The following KDM4C variants were observed in gnomAD, a reference collection of about 807,000 sequenced individuals.
KDM4C encodes the protein lysine-specific demethylase 4C.
Under a neutral mutation model 129.3 loss-of-function variants are expected in KDM4C, and 81 were observed. That is an observed-to-expected ratio of 0.63 (90% CI 0.52 to 0.75). KDM4C has a LOEUF of 0.75. Ranked by LOEUF, KDM4C falls within the 30% of genes least tolerant of loss-of-function variation. KDM4C has a pLI of 0.00. For synonymous variants in KDM4C, 573 were observed against 456.1 expected (o/e 1.26, Z -3.26); for missense variants, 1,457 against 1,304.0 (o/e 1.12, Z -1.81).
At chr9:7,019,207 CACTT>C (rs1824213904) in intron 15 of KDM4C, among the ~76,000 whole-genome samples, 1 of 152,200 alleles carries the variant, frequency 6.6e-6, no homozygotes, top group Admixed American at 6.5e-5. Context: ...TTTTACTAAA[CACTT>C]AAGTATGATT....
At chr9:7,009,489 CT>C (rs1415718107) in intron 12 of KDM4C, among the ~76,000 whole-genome samples, 7 of 151,740 alleles carry the variant, frequency 4.6e-5, no homozygotes, top group South Asian at 4.2e-4. Flanking sequence ...AAAATTGATG[CT>C]TTTTTCCCCC....
At chr9:6,950,483 T>G (rs983085287) in intron 8 of KDM4C, among the ~76,000 whole-genome samples, 2 of 152,168 alleles carry the variant, frequency 1.3e-5, no homozygotes, top group Non-Finnish European at 2.9e-5. Context: ...AGGGGAAGTA[T>G]TTATGTGAAA....
At position 6,758,547 on chromosome 9, in the gene KDM4C, GC is replaced by G. The variant is rs796402594; in HGVS notation, c.-18+346del. On this transcript the variant is annotated intron_variant, in intron 1 of 21. Transcript: ENST00000381309. The surrounding 1 kb of genome is among the most constrained non-coding windows in gnomAD (Gnocchi z 4.6). ...CCTGGGATGCGGACCTCTTAACGCC[GC>G]CAGTCGGCTGTGGCGGACTCCAGGA... 1.6e-4 allele frequency among the ~76,000 whole-genome samples: 1 copy of G among 6,264 alleles called. No homozygotes were observed. Among genetic ancestry groups the G allele is most frequent in the African/African-American group, 2.4e-3 (1 of 422 alleles). The allele number at this position is 6,264 out of a possible 152,430, so 4.1% of individuals were successfully genotyped here. A position where few individuals can be genotyped will look rare whatever the true frequency, so the allele number is the denominator to read the frequency against.
Position 6,820,431 on chromosome 9 carries a change from A to AG in KDM4C, c.435+5690dup, listed in dbSNP as rs992017499. ...GAATAGCAGCTGTGGGATATGGGAG[A>AG]GGGGCCTGAGACAGGGCTGTGGTCC... is the stretch of plus-strand genomic sequence containing the variant. On this transcript the variant is annotated intron_variant, in intron 4 of 21. Coordinates refer to ENST00000381309, the MANE Select transcript of KDM4C (RefSeq NM_015061.6). Among the ~76,000 whole-genome samples, 44 of 152,270 alleles carry AG rather than the reference A, an allele frequency of 2.9e-4. 1 individual carries two copies. Among genetic ancestry groups the AG allele is most frequent in the African/African-American group, 1.0e-3 (42 of 41,556 alleles).
chr9:6,984,459 G>C (rs1049364988), intron 10 of KDM4C, 55 bp downstream of exon 10: 2 of 1,156,874 alleles, frequency 1.7e-6, no homozygotes, highest in East Asian at 2.3e-5. Context: ...TTGATGATCA[G>C]ATGTCTTAAA....
chr9:6,888,115 A>G (rs1177145323), intron 7 of KDM4C, 52 bp downstream of exon 7: 3 of 947,130 alleles, frequency 3.2e-6, no homozygotes, highest in East Asian at 2.7e-5. Context: ...TAGGATTTGT[A>G]TTTAAGAAGT....
chr9:6,931,601 A>G (rs1183622125), intron 8 of KDM4C, among the ~76,000 whole-genome samples: 2 of 152,120 alleles, frequency 1.3e-5, no homozygotes, highest in African/African-American at 2.4e-5. Flanking sequence ...CCCAAGCTCA[A>G]TCAGTCCTTC....
At chr9:6,779,371 G>C (rs1485862942) in intron 1 of KDM4C, among the ~76,000 whole-genome samples, 1 of 152,212 alleles carries the variant, frequency 6.6e-6, no homozygotes, top group Non-Finnish European at 1.5e-5. Context: ...AGGGTAAGGA[G>C]AGAGTGGAAA....
chr9:7,071,433 G>A (rs1286357443), intron 17 of KDM4C, among the ~76,000 whole-genome samples: 1 of 152,122 alleles, frequency 6.6e-6, no homozygotes, highest in Non-Finnish European at 1.5e-5. Context: ...GTGGTGAAGG[G>A]ATAGACATAT....
chr9:7,050,990 C>G (rs539077191), intron 17 of KDM4C, among the ~76,000 whole-genome samples: 1 of 152,234 alleles, frequency 6.6e-6, no homozygotes, highest in South Asian at 2.1e-4. Flanking sequence ...CAGTCGGTAC[C>G]TTTAAAAGAG....
At chr9:7,167,914 G>A (rs1034911012) in intron 20 of KDM4C, among the ~76,000 whole-genome samples, 1 of 152,220 alleles carries the variant, frequency 6.6e-6, no homozygotes, top group Non-Finnish European at 1.5e-5. Context: ...GGGCACAGTG[G>A]CTCATGCCTG....
chr9:7,122,869 T>C (rs1186518163), intron 18 of KDM4C, among the ~76,000 whole-genome samples: 1 of 152,204 alleles, frequency 6.6e-6, no homozygotes, highest in East Asian at 1.9e-4. Flanking sequence ...CAGAACACCA[T>C]AGCCATTTCT....
intron 8 of KDM4C, among the ~76,000 whole-genome samples, chr9:6,965,582 C>T (rs1462305337): frequency 2.0e-5 from 3 of 152,304 alleles, no homozygotes; most frequent in Middle Eastern, 3.4e-3. Flanking sequence ...ATACTCAGAA[C>T]TGATGATGTA....
At chr9:7,160,050 A>T (rs1843617629) in intron 19 of KDM4C, among the ~76,000 whole-genome samples, 1 of 151,930 alleles carries the variant, frequency 6.6e-6, no homozygotes, top group Admixed American at 6.6e-5. Flanking sequence ...TTTTTCTCTG[A>T]CCTTGTCTTC....
intron 1 of KDM4C, among the ~76,000 whole-genome samples, chr9:6,784,726 G>T (rs10815468): frequency 6.6e-6 from 1 of 152,000 alleles, no homozygotes; most frequent in South Asian, 2.1e-4. Context: ...GCTTGGACTT[G>T]TGAGAGAGAA....
At chr9:7,013,687 T>C (rs1823112057) in intron 13 of KDM4C, 101 bp from the exon 14 acceptor site, 3 of 1,098,342 alleles carry the variant, frequency 2.7e-6, no homozygotes, top group Non-Finnish European at 3.9e-6. Flanking sequence ...GAACAAAAGT[T>C]AGAAGTTAGT....
At chr9:7,050,460 C>T (rs1037891105) in intron 17 of KDM4C, among the ~76,000 whole-genome samples, 4 of 58,028 alleles carry the variant, frequency 6.9e-5, no homozygotes, top group Non-Finnish European at 1.6e-4. Context: ...AAAAAAGACA[C>T]CAAAAAACAA....
At chr9:6,928,169 C>A (rs1229453746) in intron 8 of KDM4C, among the ~76,000 whole-genome samples, 2 of 152,202 alleles carry the variant, frequency 1.3e-5, no homozygotes, top group Admixed American at 1.3e-4. Context: ...CAACCCCTCA[C>A]CCTCTCCATC....
chr9:6,973,739 TAATC>T (rs1025515316), intron 8 of KDM4C: 23 of 152,358 alleles, frequency 1.5e-4, no homozygotes, highest in African/African-American at 4.3e-4. Context: ...ATTGATTTGT[TAATC>T]AATCCTCATC....
Sources: gnomAD v4.1 joint callset for allele counts (sites outside exome capture counted in the v4.1 genomes callset) on GRCh38, gnomAD v4.1.1 for gene constraint, Gnocchi (gnomAD v3.1) non-coding constraint, MANE v1.5 for transcripts, NCBI Gene and HGNC (gene_info 2026-07-23, HGNC 2026-07-21) for gene names.